The following ELOA2 variants were observed in gnomAD, a reference collection of about 807,000 sequenced individuals.
ELOA2 encodes the protein elongin-A2.
For missense variants in ELOA2, 1,271 were observed against 979.7 expected (o/e 1.30, Z -3.97); for synonymous variants, 497 against 398.8 (o/e 1.25, Z -2.94).
In ELOA2 at chr18:47,034,734, G is replaced by T; in HGVS notation, c.531C>A (p.Pro177=). 1 of 1,613,030 alleles carries T rather than the reference G, an allele frequency of 6.2e-7. No homozygotes were observed. Among genetic ancestry groups the T allele is most frequent in the Non-Finnish European group, 8.5e-7 (1 of 1,179,858 alleles). Residue 177 remains proline, a synonymous_variant, in exon 1 of 1, where the codon CCC becomes CCA. Transcript: ENST00000332567. ...RYRASPTRTA[P]LRMPEGPEPA... ...GCTCAGGGCCCTCGGGCATCCGGAG[G>T]GGAGCTGTGCGCGTTGGAGAGGCCC...
At position 47,032,835 on chromosome 18, in the gene ELOA2, G is replaced by A; in HGVS notation, c.*168C>T. On this transcript the variant is annotated 3_prime_UTR_variant, in exon 1 of 1. Transcript: ENST00000332567. ...AAGCTGGGAGGTAGTGGCTGGGTGT[G>A]GGAGGCAAAATCACAGGGCCAGCAC... The A allele has an allele frequency of 1.5e-6, 2 of 1,340,356 alleles. No homozygotes were observed. The highest frequency in any genetic ancestry group is 2.0e-6 in the Non-Finnish European group (2 of 981,900). The allele number at this position is 1,340,356 out of a possible 1,614,324, so 83.0% of individuals were successfully genotyped here. A position where few individuals can be genotyped will look rare whatever the true frequency, so the allele number is the denominator to read the frequency against.
chr18:47,034,729 C>T lies in ELOA2; in HGVS notation c.536G>A (p.Arg179Gln). 1.2e-6 allele frequency: 2 copies of T among 1,611,538 alleles called. No homozygotes were observed. The highest frequency in any genetic ancestry group is 8.5e-7 in the Non-Finnish European group (1 of 1,178,928). ...AGCGGGCTCAGGGCCCTCGGGCATCCGGAGGGGAGCTGTGCGCGTTGGAGA... is the reference window on the plus strand; with the variant it reads ...AGCGGGCTCAGGGCCCTCGGGCATCTGGAGGGGAGCTGTGCGCGTTGGAGA... The part of the protein sequence containing the change: ...RASPTRTAPL[R>Q]MPEGPEPAAP... Residue 179 changes from arginine (R) to glutamine (Q), a missense_variant, in exon 1 of 1, where the codon CGG (arginine) becomes CAG (glutamine). Physicochemically the swap from Arg to Gln is conservative, Grantham distance 43. Transcript: ENST00000332567.
rs1215848268 is a variant in ELOA2, at chr18:47,033,040, G to T, written c.2225C>A (p.Ala742Glu). 1 of 1,614,142 alleles carries T rather than the reference G, an allele frequency of 6.2e-7. No individual in the cohort carries two copies. The highest frequency in any genetic ancestry group is 1.1e-5 in the South Asian group (1 of 91,080). Residue 742 changes from alanine to glutamate, a missense_variant, in exon 1 of 1, where the codon GCA (alanine) becomes GAA (glutamate). By Grantham distance (107) the Ala-to-Glu change is moderately radical. Coordinates refer to ENST00000332567, the MANE Select transcript of ELOA2 (RefSeq NM_016427.3). Reference sequence around the variant, plus strand: ...GAATCTTCTCTTGTAGTCTCGAATTGCCTTGGCCATCAGCGGGGCCACTTT... The same window carrying T: ...GAATCTTCTCTTGTAGTCTCGAATTTCCTTGGCCATCAGCGGGGCCACTTT... Reference protein sequence around the residue: ...AKKVAPLMAKAIRDYKRRFSR... With the variant: ...AKKVAPLMAKEIRDYKRRFSR...
rs2060538075 is a variant in ELOA2 at position 47,032,829 on chromosome 18, G to A, written c.*174C>T. On this transcript the variant is annotated 3_prime_UTR_variant, in exon 1 of 1. Coordinates refer to ENST00000332567, the MANE Select transcript of ELOA2 (RefSeq NM_016427.3). ...TTCTCCAAGCTGGGAGGTAGTGGCT[G>A]GGTGTGGGAGGCAAAATCACAGGGC... The A allele has an allele frequency of 2.4e-6, 3 of 1,243,876 alleles. No homozygotes were observed. Among genetic ancestry groups the A allele is most frequent in the Admixed American group, 4.8e-5 (2 of 41,732 alleles). 77.1% of individuals were successfully genotyped at this position (1,243,876 alleles called of 1,614,324 possible).
rs748909669 is a variant in ELOA2 at position 47,033,584 on chromosome 18, C to T, written c.1681G>A (p.Gly561Arg). ...PYWVLEPVLE[G>R]WRPDQLYRRK... ...CGATACAGCTGATCGGGCCTCCACC[C>T]TTCCAGAACAGGTTCAAGAACCCAG... The change falls in exon 1 of 1, where the codon GGG becomes AGG. Residue 561 changes from glycine (G) to arginine (R), a missense_variant. Gly to Arg is a moderately radical substitution (Grantham distance 125). Transcript: ENST00000332567. 6 of 1,614,080 alleles carry T rather than the reference C, an allele frequency of 3.7e-6. No individual in the cohort carries two copies. The East Asian group carries it at 8.9e-5, about 24-fold the overall frequency.
rs772184623 is a variant in ELOA2 at position 47,033,595 on chromosome 18, G to C, written c.1670C>G (p.Pro557Arg). ...ATCGGGCCTCCACCCTTCCAGAACA[G>C]GTTCAAGAACCCAGTAGGGGACCTC... ...VGEVPYWVLE[P>R]VLEGWRPDQL... The change falls in exon 1 of 1, where the codon CCT becomes CGT. Residue 557 changes from proline to arginine, a missense_variant. Transcript: ENST00000332567. 1.2e-6 allele frequency: 2 copies of C among 1,614,090 alleles called. No individual in the cohort carries two copies. The highest frequency in any genetic ancestry group is 1.7e-6 in the Non-Finnish European group (2 of 1,180,052).
chr18:47,033,915 C>A lies in ELOA2; in HGVS notation c.1350G>T (p.Gly450=), dbSNP rs768240059. 5.0e-6 allele frequency: 8 copies of A among 1,612,946 alleles called. No individual in the cohort carries two copies. The highest frequency in any genetic ancestry group is 1.7e-5 in the Admixed American group (1 of 59,994). The change falls in exon 1 of 1, where the codon GGG becomes GGT. Residue 450 remains glycine (G), a synonymous_variant. Transcript: ENST00000332567. ...RLQAAGADSA[G]PKTVPSHVFS... is the part of the protein sequence containing the mutation. ...AGACATGGCTGGGCACCGTTTTCGG[C>A]CCGGCGGAATCAGCGCCGGCCGCCT...
chr18:47,035,559 C>T lies in ELOA2; in HGVS notation c.-295G>A, dbSNP rs2060734848. 4 of 609,896 alleles carry T rather than the reference C, an allele frequency of 6.6e-6. No individual in the cohort carries two copies. The highest frequency in any genetic ancestry group is 4.1e-5 in the South Asian group (2 of 49,090). 37.8% of individuals were successfully genotyped at this position (609,896 alleles called of 1,614,324 possible). On this transcript the variant is annotated 5_prime_UTR_variant, in exon 1 of 1. Coordinates refer to ENST00000332567, the MANE Select transcript of ELOA2 (RefSeq NM_016427.3). Reference sequence around the variant, plus strand: ...GCAACAAAGAATGAAGCTCTGGTGCCAGAGCTGGGCCTTATGTAGCCCATC... The same window carrying T: ...GCAACAAAGAATGAAGCTCTGGTGCTAGAGCTGGGCCTTATGTAGCCCATC...
chr18:47,033,414 C>A lies in ELOA2; in HGVS notation c.1851G>T (p.Gln617His). ...QYLRLPDAPEQRLRVMTTNIR... is the reference protein window; with the variant it reads ...QYLRLPDAPEHRLRVMTTNIR... ...TATTCGTTGTCATTACTCTCAGCCG[C>A]TGCTCTGGGGCGTCCGGAAGCCGCA... The change falls in exon 1 of 1, where the codon CAG becomes CAT. Residue 617 changes from glutamine (Q) to histidine (H), a missense_variant. Coordinates refer to ENST00000332567, the MANE Select transcript of ELOA2 (RefSeq NM_016427.3). 1 of 1,613,492 alleles carries A rather than the reference C, an allele frequency of 6.2e-7. No homozygotes were observed. Among genetic ancestry groups the A allele is most frequent in the Non-Finnish European group, 8.5e-7 (1 of 1,180,040 alleles).
rs2146965806 is a variant in ELOA2, at chr18:47,034,988, T to C, written c.277A>G (p.Ser93Gly). Residue 93 changes from serine to glycine, a missense_variant, in exon 1 of 1, where the codon AGC becomes GGC. Physicochemically the swap from Ser to Gly is moderately conservative, Grantham distance 56. Transcript: ENST00000332567. Reference sequence around the variant, plus strand: ...TCCCCGAAGCGCTGTCGGGAAGCGCTCTCCTCAGGGTCCTGTGGGCCAGGC... The same window carrying C: ...TCCCCGAAGCGCTGTCGGGAAGCGCCCTCCTCAGGGTCCTGTGGGCCAGGC... ...TRPGPQDPEE[S>G]ASRQRFGEAL... 1 of 1,611,446 alleles carries C rather than the reference T, an allele frequency of 6.2e-7. No homozygotes were observed. Among genetic ancestry groups the C allele is most frequent in the Admixed American group, 1.7e-5 (1 of 60,008 alleles).
At position 47,033,517 on chromosome 18, in the gene ELOA2, T is replaced by A; in HGVS notation, c.1748A>T (p.Glu583Val). 3 of 1,614,136 alleles carry A rather than the reference T, an allele frequency of 1.9e-6. No individual in the cohort carries two copies. The highest frequency in any genetic ancestry group is 2.5e-6 in the Non-Finnish European group (3 of 1,180,022). Reference sequence around the variant, plus strand: ...CTGGAAACAATGATTCCTCCGTAATTCGTCTGTCTCTCTAACGAGTGCGTG... The same window carrying A: ...CTGGAAACAATGATTCCTCCGTAATACGTCTGTCTCTCTAACGAGTGCGTG... Reference protein sequence around the residue: ...DNHALVRETDELRRNHCFQDF... With the variant: ...DNHALVRETDVLRRNHCFQDF... The change falls in exon 1 of 1, where the codon GAA (glutamate) becomes GTA (valine). Residue 583 changes from glutamate (E) to valine (V), a missense_variant. Physicochemically the swap from Glu to Val is moderately radical, Grantham distance 121. Transcript: ENST00000332567.
chr18:47,034,875 C>G lies in ELOA2; in HGVS notation c.390G>C (p.Arg130=). ...GCCCCGGAGGTGTTCTGCGTGCTGT[C>G]CGTCTGTGCTCAGGGCTGTGAGATG... The part of the protein sequence containing the change: ...RSPSHSPEHR[R]TARRTPPGQQ... The change falls in exon 1 of 1, where the codon CGG becomes CGC. Residue 130 remains arginine, a synonymous_variant. Coordinates refer to ENST00000332567, the MANE Select transcript of ELOA2 (RefSeq NM_016427.3). The G allele has an allele frequency of 1.9e-6, 3 of 1,612,108 alleles. No individual in the cohort carries two copies. Among genetic ancestry groups the G allele is most frequent in the Non-Finnish European group, 2.5e-6 (3 of 1,179,938 alleles).
At position 47,032,947 on chromosome 18, in the gene ELOA2, T is replaced by G. The variant is rs575247924; in HGVS notation, c.*56A>C. 148 of 1,612,540 alleles carry G rather than the reference T, an allele frequency of 9.2e-5. No homozygotes were observed. Among genetic ancestry groups the G allele is most frequent in the Non-Finnish European group, 1.1e-4 (135 of 1,179,594 alleles). On this transcript the variant is annotated 3_prime_UTR_variant, in exon 1 of 1. Transcript: ENST00000332567. ...GGAAGTTTCGTTCCCCAACCCGCATTGACTTTGCCAATGCAAAAATCCCCC... is the reference window on the plus strand; with the variant it reads ...GGAAGTTTCGTTCCCCAACCCGCATGGACTTTGCCAATGCAAAAATCCCCC...
Position 47,032,555 on chromosome 18 carries a change from AAAC to A in ELOA2, c.*445_*447del, listed in dbSNP as rs777886914. ...CAAGATCATGCTCAGCCTTTTATTA[AAAC>A]AACAACAACGGCAGCAACAGCAAAC... On this transcript the variant is annotated 3_prime_UTR_variant, in exon 1 of 1. Transcript: ENST00000332567. 5 of 211,418 alleles carry A rather than the reference AAAC, an allele frequency of 2.4e-5. No homozygotes were observed. Among genetic ancestry groups the A allele is most frequent in the East Asian group, 2.6e-4 (2 of 7,586 alleles). 13.1% of individuals were successfully genotyped at this position (211,418 alleles called of 1,614,324 possible).
rs371186533 is a variant in ELOA2, at chr18:47,033,737, C to A, written c.1528G>T (p.Ala510Ser). 1 of 1,614,090 alleles carries A rather than the reference C, an allele frequency of 6.2e-7. No homozygotes were observed. Among genetic ancestry groups the A allele is most frequent in the South Asian group, 1.1e-5 (1 of 91,092 alleles). ...GAGCCCGAGTACACCGGCATCTTAG[C>A]ATTCACTCTGCGTCCAGGGAAAGCA... ...EAAFPGRRVN[A>S]KMPVYSGSRP... Residue 510 changes from alanine (A) to serine (S), a missense_variant, in exon 1 of 1, where the codon GCT becomes TCT. Coordinates refer to ENST00000332567, the MANE Select transcript of ELOA2 (RefSeq NM_016427.3).
Position 47,033,748 on chromosome 18 carries a change from C to G in ELOA2, c.1517G>C (p.Arg506Pro). Residue 506 changes from arginine to proline, a missense_variant, in exon 1 of 1, where the codon CGC (arginine) becomes CCC (proline). Physicochemically the swap from Arg to Pro is moderately radical, Grantham distance 103 (BLOSUM62 -2). Coordinates refer to ENST00000332567, the MANE Select transcript of ELOA2 (RefSeq NM_016427.3). ...KFREEAAFPG[R>P]RVNAKMPVYS... ...CACCGGCATCTTAGCATTCACTCTG[C>G]GTCCAGGGAAAGCAGCTTCCTCCCG... The G allele has an allele frequency of 6.2e-7, 1 of 1,614,202 alleles. No homozygotes were observed. Among genetic ancestry groups the G allele is most frequent in the Non-Finnish European group, 8.5e-7 (1 of 1,180,042 alleles).
Position 47,034,185 on chromosome 18 carries a change from G to C in ELOA2, c.1080C>G (p.Ser360=), listed in dbSNP as rs756778995. Residue 360 remains serine, a synonymous_variant, in exon 1 of 1, where the codon TCC becomes TCG. Coordinates refer to ENST00000332567, the MANE Select transcript of ELOA2 (RefSeq NM_016427.3). ...CCTCCACCTCAGAGAGGGAGCTCAC[G>C]GACGTTCTGTCCAAATGAGCAGTCG... ...KPPTAHLDRT[S]VSSLSEVEEV... is the part of the protein sequence containing the mutation. 4 of 1,614,118 alleles carry C rather than the reference G, an allele frequency of 2.5e-6. No homozygotes were observed. Among genetic ancestry groups the C allele is most frequent in the Non-Finnish European group, 2.5e-6 (3 of 1,179,994 alleles).
In ELOA2 at chr18:47,035,207, T is replaced by C; in HGVS notation, c.58A>G (p.Thr20Ala). The C allele has an allele frequency of 1.2e-6, 2 of 1,612,726 alleles. No individual in the cohort carries two copies. The highest frequency in any genetic ancestry group is 1.7e-6 in the Non-Finnish European group (2 of 1,179,860). ...AVEKLQVRLA[T>A]KTEPKKLEKY... ...TCTAGCTTTTTCGGCTCCGTCTTAG[T>C]GGCCAGACGCACCTGCAGCTTCTCC... Residue 20 changes from threonine (T) to alanine (A), a missense_variant, in exon 1 of 1, where the codon ACT (threonine) becomes GCT (alanine). Transcript: ENST00000332567.
rs202109165 is a variant in ELOA2 at position 47,033,559 on chromosome 18, C to G, written c.1706G>C (p.Arg569Pro). Residue 569 changes from arginine (R) to proline (P), a missense_variant, in exon 1 of 1, where the codon CGC becomes CCC. Coordinates refer to ENST00000332567, the MANE Select transcript of ELOA2 (RefSeq NM_016427.3). ...GAGTGCGTGATTGTCTTTCTTTCTG[C>G]GATACAGCTGATCGGGCCTCCACCC... is the stretch of plus-strand genomic sequence containing the variant. ...LEGWRPDQLYRRKKDNHALVR... is the reference protein window; with the variant it reads ...LEGWRPDQLYPRKKDNHALVR... 1 of 1,614,152 alleles carries G rather than the reference C, an allele frequency of 6.2e-7. No homozygotes were observed. Among genetic ancestry groups the G allele is most frequent in the Non-Finnish European group, 8.5e-7 (1 of 1,180,024 alleles).
Sources: allele counts gnomAD v4.1 joint callset, GRCh38; gene constraint gnomAD v4.1.1; transcripts MANE v1.5; gene names NCBI Gene and HGNC (gene_info 2026-07-23, HGNC 2026-07-21).